Variants in CACNB4 observed in about 807,000 individuals in gnomAD.
The protein encoded by CACNB4 is calcium voltage-gated channel auxiliary subunit beta 4.
CACNB4 carries 32 observed loss-of-function variants against 71.2 expected under a neutral mutation model. That is an observed-to-expected ratio of 0.45 (90% CI 0.34 to 0.60). The LOEUF (loss-of-function observed/expected upper bound fraction) is 0.60, where lower values mean the gene tolerates loss of function less well. Among genes scored for constraint, CACNB4 ranks in the 20% least tolerant of loss-of-function variants. CACNB4 has a pLI of 0.01. For missense variants in CACNB4, 464 were observed against 647.9 expected (o/e 0.72, Z 3.08); for synonymous variants, 231 against 236.9 (o/e 0.97, Z 0.23).
chr2:151,909,083 T>C (rs1056364120), intron 2 of CACNB4, among the ~76,000 whole-genome samples: 2 of 147,858 alleles, frequency 1.4e-5, no homozygotes, highest in East Asian at 1.9e-4. Context: ...CCTATCTATA[T>C]ATAAATATAT....
chr2:152,019,161 G>A (rs1025910792), intron 2 of CACNB4, among the ~76,000 whole-genome samples: 1 of 152,154 alleles, frequency 6.6e-6, no homozygotes, highest in African/African-American at 2.4e-5. Flanking sequence ...GCACCTGAGA[G>A]TATTTTTGAC....
chr2:151,977,096 T>C (rs1280340739), intron 2 of CACNB4, among the ~76,000 whole-genome samples: 1 of 152,210 alleles, frequency 6.6e-6, no homozygotes, highest in Non-Finnish European at 1.5e-5. Flanking sequence ...TTGGGGCTCA[T>C]CTTGTGCTGG....
chr2:151,942,998 GTCCTATTCCCT>G (rs2099864653), intron 2 of CACNB4, among the ~76,000 whole-genome samples: 2 of 152,182 alleles, frequency 1.3e-5, no homozygotes, highest in Admixed American at 1.3e-4. Context: ...TTTGCCCTTT[GTCCTATTCCCT>G]TAGAAGCATG....
intron 2 of CACNB4, among the ~76,000 whole-genome samples, chr2:151,947,520 C>T (rs992136898): frequency 2.6e-5 from 4 of 152,136 alleles, no homozygotes; most frequent in African/African-American, 9.7e-5. Flanking sequence ...AAGAATTCCG[C>T]ATCACACATA....
chr2:152,016,171 G>A (rs538065431), intron 2 of CACNB4, among the ~76,000 whole-genome samples: 163 of 152,324 alleles, frequency 1.1e-3, no homozygotes, highest in African/African-American at 3.7e-3. Flanking sequence ...CTTTAGGGTG[G>A]CTTGAGATTC....
intron 2 of CACNB4, among the ~76,000 whole-genome samples, chr2:152,053,811 C>A (rs1685578351): frequency 6.6e-6 from 1 of 152,154 alleles, no homozygotes; most frequent in African/African-American, 2.4e-5. Flanking sequence ...AGGCATGAGC[C>A]ATCACACCTG....
chr2:152,069,008 C>T (rs927883202), intron 2 of CACNB4, among the ~76,000 whole-genome samples: 4 of 152,154 alleles, frequency 2.6e-5, no homozygotes, highest in Admixed American at 6.5e-5. Context: ...CAAAGAGGTG[C>T]CGGATGCTTG....
At chr2:151,843,568 G>T (rs888979913) in intron 12 of CACNB4, among the ~76,000 whole-genome samples, 1 of 152,004 alleles carries the variant, frequency 6.6e-6, no homozygotes, top group African/African-American at 2.4e-5. Flanking sequence ...CTCCTGCCTC[G>T]GCCTCCCAAA....
intron 2 of CACNB4, among the ~76,000 whole-genome samples, chr2:151,975,669 AG>A (rs2151741787): frequency 6.6e-6 from 1 of 152,308 alleles, no homozygotes; most frequent in Admixed American, 6.5e-5. Context: ...ATACACCAAG[AG>A]GACCAGATCA....
chr2:151,860,501 A>G, intron 10 of CACNB4: 2 of 578,716 alleles, frequency 3.5e-6, no homozygotes, highest in Non-Finnish European at 6.1e-6. Flanking sequence ...CAGACTACTA[A>G]TTAGCTAATT....
At chr2:152,054,173 C>G (rs1486060063) in intron 2 of CACNB4, among the ~76,000 whole-genome samples, 1 of 151,568 alleles carries the variant, frequency 6.6e-6, no homozygotes, top group Non-Finnish European at 1.5e-5. Flanking sequence ...CGAGACCATC[C>G]TGGCTAACGC....
intron 2 of CACNB4, among the ~76,000 whole-genome samples, chr2:152,032,864 G>A (rs1324951274): frequency 2.0e-5 from 3 of 152,206 alleles, no homozygotes. Context: ...TGAGGCAAGA[G>A]AATTGATTAA....
At position 152,096,416 on chromosome 2, in the gene CACNB4, A is replaced by G. The variant is rs535585670; in HGVS notation, c.147+1914T>C. 1.4e-4 allele frequency among the ~76,000 whole-genome samples: 22 copies of G among 152,282 alleles called. No homozygotes were observed. The South Asian group carries it at 4.6e-3, about 32-fold the overall frequency. On this transcript the variant is annotated intron_variant, in intron 2 of 13. Coordinates refer to ENST00000539935, the MANE Select transcript of CACNB4 (RefSeq NM_000726.5). ...GGAGAATGGCGTGAACCCAGGAGGC[A>G]GAGCTTGCAGTAAGCAGAGACTGCG...
intron 2 of CACNB4, among the ~76,000 whole-genome samples, chr2:151,964,378 A>G (rs2099870499): frequency 6.6e-6 from 1 of 152,112 alleles, no homozygotes; most frequent in Non-Finnish European, 1.5e-5. Flanking sequence ...TTGTCAATGC[A>G]TAGAAATGGA....
intron 2 of CACNB4, among the ~76,000 whole-genome samples, chr2:151,921,378 T>C (rs2099858975): frequency 6.6e-6 from 1 of 152,178 alleles, no homozygotes. Context: ...AATCTAGTCA[T>C]GCCTCACTGA....
intron 5 of CACNB4, chr2:151,873,997 C>T (rs2099845281): frequency 6.6e-6 from 1 of 152,284 alleles, no homozygotes; most frequent in Admixed American, 6.5e-5. Flanking sequence ...GTGTGTGGCA[C>T]CTCCCCGTCT....
At chr2:151,898,410 C>A (rs1016796453) in intron 2 of CACNB4, among the ~76,000 whole-genome samples, 1 of 152,160 alleles carries the variant, frequency 6.6e-6, no homozygotes, top group African/African-American at 2.4e-5. Flanking sequence ...GACCCACATA[C>A]CAAAATTCAA....
chr2:151,903,644 C>T (rs180745339), intron 2 of CACNB4, among the ~76,000 whole-genome samples: 2 of 152,306 alleles, frequency 1.3e-5, no homozygotes, highest in East Asian at 3.9e-4. Flanking sequence ...CATGCTCTGG[C>T]CAATAACATG....
At chr2:152,069,867 G>C (rs1686576521) in intron 2 of CACNB4, among the ~76,000 whole-genome samples, 1 of 137,468 alleles carries the variant, frequency 7.3e-6, no homozygotes, top group Non-Finnish European at 1.5e-5. Flanking sequence ...TTTGGAGATG[G>C]AGTCTCGCTC....
Sources: gnomAD v4.1 joint callset for allele counts (sites outside exome capture counted in the v4.1 genomes callset) on GRCh38, gnomAD v4.1.1 for gene constraint, MANE v1.5 for transcripts, NCBI Gene and HGNC (gene_info 2026-07-23, HGNC 2026-07-21) for gene names.